The following PARD3 variants were observed in gnomAD, a reference collection of about 807,000 sequenced individuals.
The protein encoded by PARD3 is par-3 family cell polarity regulator.
A neutral mutation model predicts 155.4 loss-of-function variants in PARD3; 75 were observed. The ratio of observed to expected loss-of-function variants is 0.48; its 90% confidence interval spans 0.40 to 0.58. The LOEUF is 0.58. Among genes scored for constraint, PARD3 ranks in the 20% least tolerant of loss-of-function variants. PARD3 has a pLI of 0.00. For missense variants in PARD3, 1,642 were observed against 1,721.7 expected (o/e 0.95, Z 0.82); for synonymous variants, 576 against 610.5 (o/e 0.94, Z 0.83).
At chr10:34,237,141 G>C (rs1474985047) in intron 22 of PARD3, among the ~76,000 whole-genome samples, 1 of 152,188 alleles carries the variant, frequency 6.6e-6, no homozygotes, top group African/African-American at 2.4e-5. Context: ...CCACAGATGA[G>C]AGGCTTGCTT....
chr10:34,745,819 G>T (rs375119942), intron 1 of PARD3, among the ~76,000 whole-genome samples: 1 of 151,998 alleles, frequency 6.6e-6, no homozygotes, highest in African/African-American at 2.4e-5. Context: ...ATTAAGAAAC[G>T]GCCAGGCGCG....
intron 2 of PARD3, among the ~76,000 whole-genome samples, chr10:34,610,586 CAGG>C (rs2090811866): frequency 6.6e-6 from 1 of 152,136 alleles, no homozygotes; most frequent in Non-Finnish European, 1.5e-5. Context: ...GGAAAATTCT[CAGG>C]AGCCAGTATG....
Position 34,371,536 on chromosome 10 carries a change from CG to C in PARD3, c.1707+961del, listed in dbSNP as rs1269497110. Among the ~76,000 whole-genome samples the C allele has an allele frequency of 4.1e-4, 16 of 39,330 alleles. 1 individual carries two copies. The highest frequency in any genetic ancestry group is 7.2e-4 in the Non-Finnish European group (13 of 17,938). The allele number at this position is 39,330 out of a possible 152,430, so 25.8% of individuals were successfully genotyped here. A position where few individuals can be genotyped will look rare whatever the true frequency, so the allele number is the denominator to read the frequency against. ...AAAAAAAAAAAAAAAAAAAAAACAA[CG>C]AAGGAATATTTGAAAAATAACATTA... On this transcript the variant is annotated intron_variant, in intron 12 of 24. Coordinates refer to ENST00000374788, the MANE Select transcript of PARD3 (RefSeq NM_001184785.2).
chr10:34,814,503 G>A (rs1292512653), intron 1 of PARD3, among the ~76,000 whole-genome samples: 1 of 152,004 alleles, frequency 6.6e-6, no homozygotes, highest in Non-Finnish European at 1.5e-5. Flanking sequence ...CCTGGGGCTG[G>A]ATTTCCCGGC....
At chr10:34,751,680 T>C (rs1030909554) in intron 1 of PARD3, among the ~76,000 whole-genome samples, 12 of 152,050 alleles carry the variant, frequency 7.9e-5, no homozygotes, top group African/African-American at 2.9e-4. Context: ...CATACCTCAC[T>C]GCAGCCTCGA....
At chr10:34,806,817 T>C (rs927324068) in intron 1 of PARD3, among the ~76,000 whole-genome samples, 12 of 152,164 alleles carry the variant, frequency 7.9e-5, no homozygotes, top group Non-Finnish European at 1.8e-4. Context: ...TATGGTCCCA[T>C]GAGCACCAAA....
At chr10:34,279,063 ATC>A (rs1956029323) in intron 21 of PARD3, among the ~76,000 whole-genome samples, 1 of 151,474 alleles carries the variant, frequency 6.6e-6, no homozygotes, top group African/African-American at 2.4e-5. Flanking sequence ...CATTTGCAGT[ATC>A]TGTCAATAAA....
At position 34,309,896 on chromosome 10, in the gene PARD3, C is replaced by CAAA. The variant is rs552115285; in HGVS notation, c.3065+7208_3065+7210dup. On this transcript the variant is annotated intron_variant, in intron 20 of 24. Coordinates refer to ENST00000374788, the MANE Select transcript of PARD3 (RefSeq NM_001184785.2). Reference sequence around the variant, plus strand: ...CAAGTGGGGAAAAGGATCAACCATCCAAAAAAAAAAAAAAAAAACTGCAAG... The same window carrying CAAA: ...CAAGTGGGGAAAAGGATCAACCATCCAAAAAAAAAAAAAAAAAAAAACTGCAAG... Among the ~76,000 whole-genome samples the CAAA allele has an allele frequency of 1.3e-3, 121 of 95,574 alleles. 3 individuals carry two copies. The highest frequency in any genetic ancestry group is 4.9e-3 in the African/African-American group (98 of 20,050). The allele number at this position is 95,574 out of a possible 152,430, so 62.7% of individuals were successfully genotyped here. A position where few individuals can be genotyped will look rare whatever the true frequency, so the allele number is the denominator to read the frequency against.
intron 4 of PARD3, among the ~76,000 whole-genome samples, chr10:34,453,942 TAAAACTA>T (rs1383099344): frequency 6.6e-6 from 1 of 152,234 alleles, no homozygotes; most frequent in Non-Finnish European, 1.5e-5. Flanking sequence ...TCATGGATAA[TAAAACTA>T]AAACTAACGT....
intron 22 of PARD3, among the ~76,000 whole-genome samples, chr10:34,220,088 T>C (rs1464923475): frequency 2.0e-5 from 3 of 152,244 alleles, no homozygotes; most frequent in Non-Finnish European, 4.4e-5. Flanking sequence ...GTAAACCTTT[T>C]AAGGTTATTG....
At chr10:34,359,070 T>A (rs906469705) in intron 14 of PARD3, 77 bp downstream of exon 14, 1 of 1,115,186 alleles carries the variant, frequency 9.0e-7, no homozygotes, top group Non-Finnish European at 1.3e-6. Context: ...TGGAACCTAA[T>A]ACCCTTTGCC....
chr10:34,290,254 A>G (rs1003749056), intron 20 of PARD3, among the ~76,000 whole-genome samples: 17 of 152,226 alleles, frequency 1.1e-4, no homozygotes, highest in Non-Finnish European at 2.5e-4. Context: ...GTTTTTAAAA[A>G]AGTCTTAAAA....
intron 22 of PARD3, among the ~76,000 whole-genome samples, chr10:34,260,454 A>C (rs1954898683): frequency 6.6e-6 from 1 of 152,154 alleles, no homozygotes; most frequent in Non-Finnish European, 1.5e-5. Flanking sequence ...AGGAAAGGTG[A>C]TCTTCAGCTA....
chr10:34,727,846 G>GT (rs2094744856), intron 1 of PARD3, among the ~76,000 whole-genome samples: 2 of 142,410 alleles, frequency 1.4e-5, no homozygotes, highest in Non-Finnish European at 3.1e-5. Context: ...ACGCACGCAG[G>GT]TGAAACACAA....
At chr10:34,675,595 T>C (rs2093690744) in intron 2 of PARD3, 1 of 152,530 alleles carries the variant, frequency 6.6e-6, no homozygotes, top group Admixed American at 6.5e-5. Context: ...CCCCAACTTT[T>C]TTTTTTTTTT....
At chr10:34,706,975 G>A (rs1457869579) in intron 1 of PARD3, among the ~76,000 whole-genome samples, 1 of 152,046 alleles carries the variant, frequency 6.6e-6, no homozygotes, top group African/African-American at 2.4e-5. Flanking sequence ...GCTGGGTTCG[G>A]TAGCTCACAC....
At chr10:34,585,248 C>T (rs941696083) in intron 2 of PARD3, among the ~76,000 whole-genome samples, 4 of 152,090 alleles carry the variant, frequency 2.6e-5, no homozygotes, top group Non-Finnish European at 4.4e-5. Context: ...ACTCGAAAAT[C>T]GTGATATTTA....
At chr10:34,572,689 T>G (rs2086522704) in intron 2 of PARD3, among the ~76,000 whole-genome samples, 1 of 151,258 alleles carries the variant, frequency 6.6e-6, no homozygotes, top group Non-Finnish European at 1.5e-5. Context: ...TGAGCTCAGA[T>G]GAACCATTAA....
chr10:34,289,246 G>C (rs1956555088), intron 20 of PARD3, among the ~76,000 whole-genome samples: 1 of 152,124 alleles, frequency 6.6e-6, no homozygotes, highest in African/African-American at 2.4e-5. Context: ...CTAGAGTGCA[G>C]TGGCGCAATC....
Sources: allele counts gnomAD v4.1 joint callset (sites outside exome capture counted in the v4.1 genomes callset), GRCh38; gene constraint gnomAD v4.1.1; transcripts MANE v1.5; gene names NCBI Gene and HGNC (gene_info 2026-07-23, HGNC 2026-07-21).